GSK3B: variants seen among roughly 807,000 people sequenced by gnomAD.
The protein encoded by GSK3B is glycogen synthase kinase-3 beta.
In GSK3B, 15 loss-of-function variants were observed where a neutral mutation model predicts 56.4. The observed-to-expected ratio is 0.27, with a 90% CI of 0.18 to 0.41. The LOEUF is 0.41. Ranked by LOEUF, GSK3B falls within the 10% of genes least tolerant of loss-of-function variation. GSK3B has a pLI of 1.00. For synonymous variants in GSK3B, 181 were observed against 188.9 expected (o/e 0.96, Z 0.34); for missense variants, 300 against 513.4 (o/e 0.58, Z 4.02).
intron 2 of GSK3B, among the ~76,000 whole-genome samples, chr3:120,000,918 C>CTTTTTTTTTTTTTTTTTTTTT (rs71156781): frequency 2.2e-5 from 2 of 91,054 alleles, no homozygotes; most frequent in African/African-American, 8.6e-5. Flanking sequence ...ATGTAATCTC[C>CTTTTTTTTTTTTTTTTTTTTT]TTTTTTTTTT....
At chr3:120,004,766 G>A (rs967262827) in intron 1 of GSK3B, among the ~76,000 whole-genome samples, 1 of 152,102 alleles carries the variant, frequency 6.6e-6, no homozygotes, top group Non-Finnish European at 1.5e-5. Context: ...AACCCCATAC[G>A]TAGGCCACCA....
chr3:119,996,769 A>G (rs968087298), intron 2 of GSK3B, among the ~76,000 whole-genome samples: 1 of 152,154 alleles, frequency 6.6e-6, no homozygotes, highest in Admixed American at 6.5e-5. Flanking sequence ...TAGTGATGAA[A>G]GATACAATGA....
chr3:119,854,005 A>C (rs937440898), intron 9 of GSK3B, among the ~76,000 whole-genome samples: 5 of 152,210 alleles, frequency 3.3e-5, no homozygotes, highest in Admixed American at 1.3e-4. Flanking sequence ...GCCAGTTTTC[A>C]AAGAGGAATG....
chr3:119,879,617 C>A (rs1176458845), intron 7 of GSK3B, among the ~76,000 whole-genome samples: 1 of 151,432 alleles, frequency 6.6e-6, no homozygotes, highest in African/African-American at 2.4e-5. Context: ...TGTTTTGTAC[C>A]CATTAACCAT....
intron 10 of GSK3B, among the ~76,000 whole-genome samples, chr3:119,827,135 C>T (rs1407994778): frequency 6.6e-6 from 1 of 152,180 alleles, no homozygotes; most frequent in Non-Finnish European, 1.5e-5. Flanking sequence ...CTTGCTACAG[C>T]TGGGATCAGC....
chr3:120,037,070 GT>G (rs1392689902), intron 1 of GSK3B, among the ~76,000 whole-genome samples: 1 of 152,112 alleles, frequency 6.6e-6, no homozygotes, highest in Non-Finnish European at 1.5e-5. Context: ...TTATCATCTT[GT>G]TTCCTAACAC....
intron 9 of GSK3B, among the ~76,000 whole-genome samples, chr3:119,860,709 A>C (rs1020670001): frequency 1.3e-5 from 2 of 152,254 alleles, no homozygotes; most frequent in African/African-American, 2.4e-5. Flanking sequence ...TACTTTACTA[A>C]TTAAAACAAC....
chr3:120,001,038 C>G (rs986948175), intron 2 of GSK3B, among the ~76,000 whole-genome samples: 10 of 149,476 alleles, frequency 6.7e-5, no homozygotes, highest in Non-Finnish European at 1.5e-4. Flanking sequence ...CATTCTCCTA[C>G]TTCAGCCTCC....
chr3:120,039,268 C>G (rs2058047060), intron 1 of GSK3B, among the ~76,000 whole-genome samples: 1 of 152,202 alleles, frequency 6.6e-6, no homozygotes, highest in African/African-American at 2.4e-5. Context: ...TACAGCCATT[C>G]TGGAAGACAC....
At chr3:119,940,658 T>C (rs1174950078) in intron 3 of GSK3B, among the ~76,000 whole-genome samples, 1 of 152,136 alleles carries the variant, frequency 6.6e-6, no homozygotes, top group Non-Finnish European at 1.5e-5. Context: ...TAATTATATC[T>C]CCTTGGCTCT....
intron 4 of GSK3B, among the ~76,000 whole-genome samples, chr3:119,921,989 T>A (rs2107463875): frequency 6.6e-6 from 1 of 151,960 alleles, no homozygotes; most frequent in Non-Finnish European, 1.5e-5. Context: ...ACACAAAAAT[T>A]AGCTGGGCAT....
rs71156781 is a variant in GSK3B at position 120,000,918 on chromosome 3, C to CTTT, written c.282+1125_282+1127dup. On this transcript the variant is annotated intron_variant, in intron 2 of 10. Transcript: ENST00000264235. ...AAACCTCATGTTGAAATGTAATCTCCTTTTTTTTTTTTTTTTTTTTTTTTG... is the reference window on the plus strand; with the variant it reads ...AAACCTCATGTTGAAATGTAATCTCCTTTTTTTTTTTTTTTTTTTTTTTTTTTG... Among the ~76,000 whole-genome samples the CTTT allele has an allele frequency of 9.6e-3, 877 of 91,020 alleles. 58 individuals are homozygous for CTTT. Among genetic ancestry groups the CTTT allele is most frequent in the African/African-American group, 0.026 (617 of 23,288 alleles). 59.7% of individuals were successfully genotyped at this position (91,020 alleles called of 152,430 possible).
At chr3:119,929,711 T>C (rs1401159544) in intron 3 of GSK3B, among the ~76,000 whole-genome samples, 1 of 151,920 alleles carries the variant, frequency 6.6e-6, no homozygotes, top group Non-Finnish European at 1.5e-5. Flanking sequence ...GAGACCAGCC[T>C]GACCAACATG....
chr3:119,915,966 A>C (rs1332509148), intron 5 of GSK3B, 78 bp downstream of exon 5: 1 of 990,176 alleles, frequency 1.0e-6, no homozygotes, highest in Non-Finnish European at 1.5e-6. Flanking sequence ...CTGATATTGC[A>C]AAAGGAATAT....
rs1252178015 is a variant in GSK3B, at chr3:120,002,066, A to G, written c.262T>C (p.Leu88=). 1 of 1,603,362 alleles carries G rather than the reference A, an allele frequency of 6.2e-7. No homozygotes were observed. Among genetic ancestry groups the G allele is most frequent in the Non-Finnish European group, 8.5e-7 (1 of 1,175,672 alleles). ...SGELVAIKKV[L]QDKRFKNREL... ...TTTACCTTAAATCTCTTGTCCTGCA[A>G]TACTTTCTTGATGGCGACCAGTTCT... Residue 88 remains leucine, a synonymous_variant, in exon 2 of 11, where the codon TTG becomes CTG. Coordinates refer to ENST00000264235, the MANE Select transcript of GSK3B (RefSeq NM_001146156.2).
chr3:119,855,503 C>G (rs989297057), intron 9 of GSK3B, among the ~76,000 whole-genome samples: 9 of 152,218 alleles, frequency 5.9e-5, no homozygotes, highest in African/African-American at 2.2e-4. Flanking sequence ...GATTACAAAT[C>G]ATGCTGCTAT....
At chr3:119,971,948 A>G in intron 2 of GSK3B, among the ~76,000 whole-genome samples, 1 of 152,254 alleles carries the variant, frequency 6.6e-6, no homozygotes, top group Middle Eastern at 3.4e-3. Flanking sequence ...AAGTTCCCTA[A>G]TTTCTTTAAA....
chr3:120,056,733 C>T (rs543057661), intron 1 of GSK3B, among the ~76,000 whole-genome samples: 1 of 152,306 alleles, frequency 6.6e-6, no homozygotes, highest in Non-Finnish European at 1.5e-5. Context: ...GCAAGTTTCT[C>T]TGAGCATGAC....
intron 1 of GSK3B, among the ~76,000 whole-genome samples, chr3:120,063,693 A>AG (rs2058256375): frequency 6.8e-6 from 1 of 146,902 alleles, no homozygotes; most frequent in Admixed American, 7.0e-5. Flanking sequence ...GTGCCATTAC[A>AG]CTGCAGCCTG....
Sources: allele counts gnomAD v4.1 joint callset (sites outside exome capture counted in the v4.1 genomes callset), GRCh38; gene constraint gnomAD v4.1.1; transcripts MANE v1.5; gene names NCBI Gene and HGNC (gene_info 2026-07-23, HGNC 2026-07-21).